TVP23A: variants seen among roughly 807,000 people sequenced by gnomAD.
TVP23A encodes the protein Golgi apparatus membrane protein TVP23 homolog A.
A neutral mutation model predicts 31.7 loss-of-function variants in TVP23A; 21 were observed. The observed-to-expected ratio is 0.66, with a 90% CI of 0.47 to 0.95. The LOEUF (loss-of-function observed/expected upper bound fraction) is 0.95, where lower values mean the gene tolerates loss of function less well. Among genes scored for constraint, TVP23A ranks in the 40% least tolerant of loss-of-function variants. TVP23A has a pLI of 0.00. For missense variants in TVP23A, 279 were observed against 255.6 expected, an observed-to-expected ratio of 1.09 and a Z score of -0.62; for synonymous variants, 104 against 96.0, an observed-to-expected ratio of 1.08 and a Z score of -0.49.
At chr16:10,759,761 G>T (rs1030617364), downstream of TVP23A, among the ~76,000 whole-genome samples, 1 of 152,160 alleles carries the variant, frequency 6.6e-6, no homozygotes, top group African/African-American at 2.4e-5. The surrounding 1 kb of genome is among the most constrained non-coding windows in gnomAD (Gnocchi z 4.7). Flanking sequence ...GGGCGACAGA[G>T]CAAGACTCTG....
Position 10,771,715 on chromosome 16 carries a change from A to G in TVP23A, c.537T>C (p.Ile179=). 1.2e-6 allele frequency: 2 copies of G among 1,613,308 alleles called. No homozygotes were observed. The highest frequency in any genetic ancestry group is 1.7e-6 in the Non-Finnish European group (2 of 1,179,676). Reference sequence around the variant, plus strand: ...ACAGGAAACTGGCTGTGACCTTGCCAATGTCACTGTTGCCTCCCATCTTAC... The same window carrying G: ...ACAGGAAACTGGCTGTGACCTTGCCGATGTCACTGTTGCCTCCCATCTTAC... ...ILCKMGGNSD[I]GKVTASFLSQ... is the part of the protein sequence containing the mutation. The change falls in exon 6 of 8, where the codon ATT becomes ATC. Residue 179 remains isoleucine (I), a synonymous_variant. Transcript: ENST00000299866.
In TVP23A at chr16:10,768,093, G is replaced by T. The variant is rs1047329714; in HGVS notation, c.*1009C>A. The T allele has an allele frequency of 1.5e-5, 23 of 1,532,044 alleles. No individual in the cohort carries two copies. In the African/African-American group the frequency reaches 3.0e-4, roughly 20 times the overall value. The allele number at this position is 1,532,044 out of a possible 1,614,324, so 94.9% of individuals were successfully genotyped here. On this transcript the variant is annotated 3_prime_UTR_variant, in exon 8 of 8. Coordinates refer to ENST00000299866, the MANE Select transcript of TVP23A (RefSeq NM_001079512.4). This position sits in a 1 kb window ranked among gnomAD's most constrained non-coding sequence, Gnocchi z 4.3. Reference sequence around the variant, plus strand: ...GTGGGGCAGGAAGCAACATAAAGGAGCCAGGGGTGTGGAAGGACAGGTGGG... The same window carrying T: ...GTGGGGCAGGAAGCAACATAAAGGATCCAGGGGTGTGGAAGGACAGGTGGG...
At position 10,767,931 on chromosome 16, in the gene TVP23A, G is replaced by A. The variant is rs750057791; in HGVS notation, c.*1171C>T. 9.9e-6 allele frequency: 16 copies of A among 1,612,728 alleles called. No individual in the cohort carries two copies. The highest frequency in any genetic ancestry group is 5.0e-5 in the Admixed American group (3 of 59,992). ...TTCCTCTTGGACTGAATTGTCTTCCGTTTGTTTCTTTTTTAAGGTAAGAAT... is the reference window on the plus strand; with the variant it reads ...TTCCTCTTGGACTGAATTGTCTTCCATTTGTTTCTTTTTTAAGGTAAGAAT... On this transcript the variant is annotated 3_prime_UTR_variant, in exon 8 of 8. Coordinates refer to ENST00000299866, the MANE Select transcript of TVP23A (RefSeq NM_001079512.4). This position sits in a 1 kb window ranked among gnomAD's most constrained non-coding sequence, Gnocchi z 4.6.
rs1022736192 is a variant in TVP23A at position 10,766,754 on chromosome 16, G to T, written c.*2348C>A. On this transcript the variant is annotated 3_prime_UTR_variant, in exon 8 of 8. Transcript: ENST00000299866. This position sits in a 1 kb window ranked among gnomAD's most constrained non-coding sequence, Gnocchi z 4.8. Reference sequence around the variant, plus strand: ...GAGGAGAACGGGCCTGAGAATAGGGGCTCAAAGGCCCCATTACAGAGTTTT... The same window carrying T: ...GAGGAGAACGGGCCTGAGAATAGGGTCTCAAAGGCCCCATTACAGAGTTTT... 6 of 395,604 alleles carry T rather than the reference G, an allele frequency of 1.5e-5. No homozygotes were observed. The highest frequency in any genetic ancestry group is 2.7e-5 in the Non-Finnish European group (6 of 224,772). 24.5% of individuals were successfully genotyped at this position (395,604 alleles called of 1,614,324 possible). A position where few individuals can be genotyped will look rare whatever the true frequency, so the allele number is the denominator to read the frequency against.
intron 2 of TVP23A, among the ~76,000 whole-genome samples, chr16:10,809,855 A>G (rs1413474222): frequency 6.6e-6 from 1 of 152,188 alleles, no homozygotes; most frequent in East Asian, 1.9e-4. Flanking sequence ...CAGAGTTACC[A>G]TGTGGCCCAG....
intron 2 of TVP23A, among the ~76,000 whole-genome samples, chr16:10,784,381 CA>C (rs1303227695): frequency 3.4e-5 from 5 of 146,728 alleles, no homozygotes; most frequent in Admixed American, 6.8e-5. Flanking sequence ...CAATCTCTAC[CA>C]AAAAAAGAAA....
At chr16:10,761,506 G>C in exon 9 of TVP23A, 1 of 1,562,676 alleles carries the variant, frequency 6.4e-7, no homozygotes, top group East Asian at 2.2e-5. Context: ...AGGCGAGCAA[G>C]ATCTTGCTCT....
chr16:10,796,185 A>G (rs1034372780), intron 2 of TVP23A, among the ~76,000 whole-genome samples: 1 of 151,922 alleles, frequency 6.6e-6, no homozygotes, highest in African/African-American at 2.4e-5. Flanking sequence ...TCATCTCTCC[A>G]AAAATAATAA....
At chr16:10,763,419 GC>G (rs1237846466), downstream of TVP23A, 1 of 152,250 alleles carries the variant, frequency 6.6e-6, no homozygotes, top group African/African-American at 2.4e-5. Context: ...GACCCCATGT[GC>G]CCAGGAGGCT....
chr16:10,785,773 T>C (rs190243837), intron 2 of TVP23A, among the ~76,000 whole-genome samples: 51 of 152,016 alleles, frequency 3.4e-4, no homozygotes, highest in Non-Finnish European at 5.6e-4. Flanking sequence ...ATCTATGTGA[T>C]TGTACTCAAT....
In TVP23A at chr16:10,810,973, T is replaced by C. The variant is rs187701413; in HGVS notation, c.89+7130A>G. Among the ~76,000 whole-genome samples the C allele has an allele frequency of 1.5e-3, 222 of 152,326 alleles. 1 individual carries two copies. The highest frequency in any genetic ancestry group is 5.2e-3 in the African/African-American group (215 of 41,586). On this transcript the variant is annotated intron_variant, in intron 2 of 7. Transcript: ENST00000299866. ...ATCTCTTTCTCCATACTTACAGATA[T>C]CCTATTGGTTTTGTTTCTTTGGAGA...
At chr16:10,766,609 G>A, downstream of TVP23A, 1 of 186,646 alleles carries the variant, frequency 5.4e-6, no homozygotes, top group East Asian at 1.3e-4. This position sits in a 1 kb window ranked among gnomAD's most constrained non-coding sequence, Gnocchi z 4.8. Flanking sequence ...CATGGGCCCA[G>A]CGTTAACGGC....
intron 2 of TVP23A, among the ~76,000 whole-genome samples, chr16:10,806,176 C>T (rs1025105700): frequency 2.6e-5 from 4 of 152,152 alleles, no homozygotes; most frequent in Admixed American, 6.5e-5. Context: ...CTCCTCGTCT[C>T]TACTAAAAAT....
rs1343544785 is a variant in TVP23A at position 10,773,560 on chromosome 16, T to G, written c.325-119A>C. On this transcript the variant is annotated intron_variant, in intron 4 of 7. Coordinates refer to ENST00000299866, the MANE Select transcript of TVP23A (RefSeq NM_001079512.4). ...TTTGTTGCTGTGGGATTTTTTGTTG[T>G]TGGTGTTGTTTTGTTTTGTTTTGTT... The G allele has an allele frequency of 3.1e-5, 40 of 1,289,370 alleles. No individual in the cohort carries two copies. In the East Asian group the frequency reaches 5.1e-4, roughly 16 times the overall value. 79.9% of individuals were successfully genotyped at this position (1,289,370 alleles called of 1,614,324 possible).
intron 2 of TVP23A, among the ~76,000 whole-genome samples, chr16:10,812,084 G>T (rs189965441): frequency 6.6e-6 from 1 of 151,482 alleles, no homozygotes; most frequent in Non-Finnish European, 1.5e-5. Context: ...TAAAAAAAAC[G>T]GGCAAGAGAC....
chr16:10,784,207 T>C (rs1298100591), intron 2 of TVP23A, among the ~76,000 whole-genome samples: 1 of 151,556 alleles, frequency 6.6e-6, no homozygotes, highest in Non-Finnish European at 1.5e-5. Flanking sequence ...TGCACACCTG[T>C]AATCCCAGCT....
At chr16:10,803,030 T>C (rs2033774788) in intron 2 of TVP23A, among the ~76,000 whole-genome samples, 1 of 152,180 alleles carries the variant, frequency 6.6e-6, no homozygotes, top group Non-Finnish European at 1.5e-5. Flanking sequence ...ATGCCTGTAA[T>C]CCCAGCACTT....
chr16:10,817,000 C>G (rs2034473259), intron 2 of TVP23A, among the ~76,000 whole-genome samples: 1 of 151,392 alleles, frequency 6.6e-6, no homozygotes, highest in African/African-American at 2.4e-5. Flanking sequence ...TGTGAACATG[C>G]TATAACACTG....
At chr16:10,773,558 T>C in intron 4 of TVP23A, 117 bp from the exon 5 acceptor site, 1 of 1,293,446 alleles carries the variant, frequency 7.7e-7, no homozygotes, top group Non-Finnish European at 1.0e-6. Context: ...GATTTTTTGT[T>C]GTTGGTGTTG....
Sources: allele counts gnomAD v4.1 joint callset (sites outside exome capture counted in the v4.1 genomes callset), GRCh38; gene constraint gnomAD v4.1.1; non-coding constraint Gnocchi (gnomAD v3.1); transcripts MANE v1.5; gene names NCBI Gene and HGNC (gene_info 2026-07-23, HGNC 2026-07-21).